The following SH3D19 variants were observed in gnomAD, a reference collection of about 807,000 sequenced individuals.
SH3D19 encodes SH3 domain containing 19, also known as SH3 domain-containing protein 19.
Under a neutral mutation model 112.1 loss-of-function variants are expected in SH3D19, and 58 were observed. That is an observed-to-expected ratio of 0.52 (90% CI 0.42 to 0.64). The LOEUF is 0.64. Among genes scored for constraint, SH3D19 ranks in the 30% least tolerant of loss-of-function variants. The probability of loss-of-function intolerance (pLI) is 0.00; values close to 1 mark genes in which losing one functional copy is unlikely to be tolerated. For missense variants in SH3D19, 1,090 were observed against 1,263.4 expected, an observed-to-expected ratio of 0.86 and a Z score of 2.08; for synonymous variants, 391 against 448.5, an observed-to-expected ratio of 0.87 and a Z score of 1.62.
intron 1 of SH3D19, among the ~76,000 whole-genome samples, chr4:151,303,967 GT>G (rs1262099485): frequency 6.6e-6 from 1 of 151,328 alleles, no homozygotes; most frequent in Non-Finnish European, 1.5e-5. Flanking sequence ...ACTTGGGCTG[GT>G]TTACTCATAA....
intron 7 of SH3D19, among the ~76,000 whole-genome samples, chr4:151,169,370 G>T (rs554300881): frequency 1.3e-5 from 2 of 152,260 alleles, no homozygotes; most frequent in Admixed American, 6.5e-5. Flanking sequence ...GGCAGGAGTG[G>T]TCTGTTTAAT....
rs776518065 is a variant in SH3D19, at chr4:151,279,929, GAT to G, written c.112+45310_112+45311del. ...GAGGTTCCCTCGTCAGTGAGAGGTT[GAT>G]ACTGACAGCAGCACACTGCATACAA... On this transcript the variant is annotated intron_variant, in intron 1 of 19. Transcript: ENST00000604030. 1.8e-5 allele frequency: 29 copies of G among 1,613,444 alleles called. No homozygotes were observed. In the East Asian group the frequency reaches 6.2e-4, roughly 35 times the overall value.
chr4:151,207,987 G>A (rs1190128628), intron 2 of SH3D19, among the ~76,000 whole-genome samples: 1 of 152,124 alleles, frequency 6.6e-6, no homozygotes, highest in Non-Finnish European at 1.5e-5. Context: ...CTTAACTGAG[G>A]TCCAAAGCAA....
rs1752631185 is a variant in SH3D19 at position 151,139,699 on chromosome 4, G to A, written c.2296+76C>T. The A allele has an allele frequency of 1.9e-5, 25 of 1,327,996 alleles. No individual in the cohort carries two copies. The East Asian group carries it at 5.8e-4, about 31-fold the overall frequency. The allele number at this position is 1,327,996 out of a possible 1,614,324, so 82.3% of individuals were successfully genotyped here. A position where few individuals can be genotyped will look rare whatever the true frequency, so the allele number is the denominator to read the frequency against. On this transcript the variant is annotated intron_variant, in intron 13 of 19. Transcript: ENST00000604030. Reference sequence around the variant, plus strand: ...GAAAAATGAAGAAGGATGTCCTTGAGAGGCTAACCCCCGGCAGGGAAAAAG... The same window carrying A: ...GAAAAATGAAGAAGGATGTCCTTGAAAGGCTAACCCCCGGCAGGGAAAAAG...
At chr4:151,314,935 G>C (rs1246320829) in intron 1 of SH3D19, among the ~76,000 whole-genome samples, 1 of 152,160 alleles carries the variant, frequency 6.6e-6, no homozygotes, top group Non-Finnish European at 1.5e-5. Context: ...CTGTGCAGTT[G>C]AGTGAACCCC....
chr4:151,148,740 A>G (rs1754398359), intron 10 of SH3D19, among the ~76,000 whole-genome samples: 1 of 152,146 alleles, frequency 6.6e-6, no homozygotes. Context: ...CTTAATCCCT[A>G]CGATAGAAAT....
chr4:151,307,290 G>A (rs962224643), intron 1 of SH3D19, among the ~76,000 whole-genome samples: 1 of 152,142 alleles, frequency 6.6e-6, no homozygotes, highest in African/African-American at 2.4e-5. Context: ...CCAAAGTGCT[G>A]GGATTACAGG....
At chr4:151,160,108 A>G (rs1028470944) in intron 8 of SH3D19, among the ~76,000 whole-genome samples, 1 of 141,998 alleles carries the variant, frequency 7.0e-6, no homozygotes, top group Non-Finnish European at 1.5e-5. Context: ...TTTTTTTGAG[A>G]TGGAGTCTCG....
rs906002849 is a variant in SH3D19, at chr4:151,174,867, A to G, written c.1337T>C (p.Val446Ala). The change falls in exon 7 of 20, where the codon GTT becomes GCT. Residue 446 changes from valine (V) to alanine (A), a missense_variant. By Grantham distance (64) the Val-to-Ala change is moderately conservative. Coordinates refer to ENST00000604030, the MANE Select transcript of SH3D19 (RefSeq NM_001378122.1). ...YPSAPLKPVTVPPRLAGASQA... is the reference protein window; with the variant it reads ...YPSAPLKPVTAPPRLAGASQA... ...TGATGCCCCTGCGAGTCGGGGAGGA[A>G]CAGTGACAGGTTTCAGTGGAGCTGA... 4.4e-6 allele frequency: 7 copies of G among 1,607,292 alleles called. No individual in the cohort carries two copies. Among genetic ancestry groups the G allele is most frequent in the South Asian group, 1.1e-5 (1 of 89,910 alleles).
chr4:151,123,389 G>T (rs1435783376), intron 19 of SH3D19, among the ~76,000 whole-genome samples: 1 of 152,136 alleles, frequency 6.6e-6, no homozygotes, highest in African/African-American at 2.4e-5. Context: ...AGAGCATTTT[G>T]CACTCTACAT....
chr4:151,255,902 G>A (rs1771862903), intron 1 of SH3D19, among the ~76,000 whole-genome samples: 1 of 152,214 alleles, frequency 6.6e-6, no homozygotes, highest in South Asian at 2.1e-4. Flanking sequence ...TGCAATCGCA[G>A]GCATTCGGCA....
intron 1 of SH3D19, among the ~76,000 whole-genome samples, chr4:151,247,080 TTTTTC>T (rs1313663523): frequency 6.6e-6 from 1 of 152,232 alleles, no homozygotes; most frequent in Non-Finnish European, 1.5e-5. Context: ...ACTTTTCTTA[TTTTTC>T]TTTTGTGTAT....
chr4:151,245,163 A>AT (rs139386872), intron 1 of SH3D19, among the ~76,000 whole-genome samples: 4,451 of 151,384 alleles, frequency 0.029, 196 homozygotes, highest in African/African-American at 0.1. Flanking sequence ...AAATAAAATA[A>AT]AATAATAATA....
In SH3D19 at chr4:151,132,964, A is replaced by G. The variant is rs1579667942; in HGVS notation, c.2689+70T>C. 4.0e-6 allele frequency: 5 copies of G among 1,246,564 alleles called. No individual in the cohort carries two copies. The East Asian group carries it at 1.0e-4, about 25-fold the overall frequency. 77.2% of individuals were successfully genotyped at this position (1,246,564 alleles called of 1,614,324 possible). A position where few individuals can be genotyped will look rare whatever the true frequency, so the allele number is the denominator to read the frequency against. ...GGCAATATGGATTATTATACAGCTT[A>G]AGTATAATGATATTATTTGGTTTAT... On this transcript the variant is annotated intron_variant, in intron 16 of 19. Coordinates refer to ENST00000604030, the MANE Select transcript of SH3D19 (RefSeq NM_001378122.1).
intron 3 of SH3D19, among the ~76,000 whole-genome samples, chr4:151,186,753 A>T (rs1398780959): frequency 1.3e-5 from 2 of 151,280 alleles, no homozygotes; most frequent in Admixed American, 6.6e-5. Flanking sequence ...AATATTTCTT[A>T]AACCTGTTAG....
chr4:151,133,191 C>A lies in SH3D19; in HGVS notation c.2532G>T (p.Lys844Asn), dbSNP rs762280616. Residue 844 changes from lysine (K) to asparagine (N), a missense_variant, in exon 16 of 20, where the codon AAG becomes AAT. By Grantham distance (94) the Lys-to-Asn change is moderately conservative. Coordinates refer to ENST00000604030, the MANE Select transcript of SH3D19 (RefSeq NM_001378122.1). Reference sequence around the variant, plus strand: ...CTCCCTCTGAGAAACTCAACTCATCCTTCTGCTCTCCAATATATTCAAACC... The same window carrying A: ...CTCCCTCTGAGAAACTCAACTCATCATTCTGCTCTCCAATATATTCAAACC... ...VARFEYIGEQ[K>N]DELSFSEGEI... is the part of the protein sequence containing the mutation. 6.2e-7 allele frequency: 1 copy of A among 1,614,154 alleles called. No homozygotes were observed. The highest frequency in any genetic ancestry group is 8.5e-7 in the Non-Finnish European group (1 of 1,180,020).
intron 1 of SH3D19, among the ~76,000 whole-genome samples, chr4:151,264,377 A>G (rs1437345191): frequency 6.7e-6 from 1 of 149,524 alleles, no homozygotes; most frequent in Non-Finnish European, 1.5e-5. Flanking sequence ...GGGGTGAGCC[A>G]ACATCCCGTC....
chr4:151,168,487 C>T lies in SH3D19; in HGVS notation c.1535-2791G>A, dbSNP rs556707790. The stretch of plus-strand genomic sequence containing the variant: ...CTCTGTCATTCCACCCAGGCTGGAG[C>T]GCAGTGGTGCAATCACGACTCATTG... On this transcript the variant is annotated intron_variant, in intron 7 of 19. Transcript: ENST00000604030. Among the ~76,000 whole-genome samples the T allele has an allele frequency of 7.2e-5, 11 of 151,726 alleles. 1 individual carries two copies. The highest frequency in any genetic ancestry group is 1.9e-4 in the East Asian group (1 of 5,142).
In SH3D19 at chr4:151,325,296, T is replaced by C; in HGVS notation, c.57A>G (p.Glu19=). ...CCCGGGCGCGGCGCTGGCCACCAAG[T>C]TCGCGGCGCTCGCGTAGCTCTTCCT... ...DEEEELRERR[E]LGGQRRARGR... Residue 19 remains glutamate (E), a synonymous_variant, in exon 1 of 20, where the codon GAA becomes GAG. Coordinates refer to ENST00000604030, the MANE Select transcript of SH3D19 (RefSeq NM_001378122.1). The C allele has an allele frequency of 8.2e-7, 1 of 1,220,216 alleles. No homozygotes were observed. The highest frequency in any genetic ancestry group is 3.2e-4 in the Middle Eastern group (1 of 3,136). 75.6% of individuals were successfully genotyped at this position (1,220,216 alleles called of 1,614,324 possible).
Sources: gnomAD v4.1 joint callset for allele counts (sites outside exome capture counted in the v4.1 genomes callset) on GRCh38, gnomAD v4.1.1 for gene constraint, MANE v1.5 for transcripts, NCBI Gene and HGNC (gene_info 2026-07-23, HGNC 2026-07-21) for gene names.